PARD3B: variants seen among roughly 807,000 people sequenced by gnomAD.
PARD3B encodes par-3 family cell polarity regulator beta, also known as partitioning defective 3 homolog B.
PARD3B carries 103 observed loss-of-function variants against 130.2 expected under a neutral mutation model. The observed-to-expected ratio is 0.79, with a 90% confidence interval of 0.67 to 0.93. The LOEUF (loss-of-function observed/expected upper bound fraction) is 0.93. Among genes scored for constraint, PARD3B ranks in the 40% least tolerant of loss-of-function variants. PARD3B has a pLI of 0.00. For missense variants in PARD3B, 1,609 were observed against 1,499.2 expected (o/e 1.07, Z -1.21); for synonymous variants, 583 against 553.2 (o/e 1.05, Z -0.76).
intron 10 of PARD3B, among the ~76,000 whole-genome samples, chr2:205,135,785 A>G (rs1188567910): frequency 1.3e-5 from 2 of 152,160 alleles, no homozygotes; most frequent in Non-Finnish European, 2.9e-5. Flanking sequence ...GTCGGATACA[A>G]TCAAACATCG....
At chr2:204,657,771 TA>T (rs1574632222) in intron 1 of PARD3B, among the ~76,000 whole-genome samples, 2 of 152,336 alleles carry the variant, frequency 1.3e-5, no homozygotes, top group East Asian at 1.9e-4. Flanking sequence ...TAATTTTAAA[TA>T]GTATGTATGA....
chr2:205,012,934 A>G (rs1465661182), intron 3 of PARD3B, among the ~76,000 whole-genome samples: 1 of 152,266 alleles, frequency 6.6e-6, no homozygotes, highest in East Asian at 1.9e-4. Flanking sequence ...TCCAAAATAC[A>G]GCATTTCTAA....
intron 1 of PARD3B, among the ~76,000 whole-genome samples, chr2:204,553,386 A>G (rs933228931): frequency 4.0e-5 from 6 of 151,842 alleles, no homozygotes; most frequent in South Asian, 2.1e-4. Context: ...TGATCCGGCA[A>G]TCCCACTACT....
chr2:205,417,013 T>C (rs2046799820), intron 19 of PARD3B, among the ~76,000 whole-genome samples: 1 of 151,916 alleles, frequency 6.6e-6, no homozygotes, highest in East Asian at 1.9e-4. Flanking sequence ...ATGTGCCGTG[T>C]TGGTGTGCTG....
At chr2:205,193,529 AT>A (rs1559528889) in intron 15 of PARD3B, among the ~76,000 whole-genome samples, 1 of 152,322 alleles carries the variant, frequency 6.6e-6, no homozygotes, top group East Asian at 1.9e-4. Context: ...GAAGTGATTT[AT>A]TTTTACAAAG....
chr2:205,010,293 A>G (rs1187555156), intron 3 of PARD3B, among the ~76,000 whole-genome samples: 1 of 152,222 alleles, frequency 6.6e-6, no homozygotes, highest in East Asian at 1.9e-4. Flanking sequence ...TCAGTTCACC[A>G]GCTGCTGCTT....
intron 1 of PARD3B, among the ~76,000 whole-genome samples, chr2:204,636,130 G>C (rs1559198294): frequency 6.6e-6 from 1 of 152,094 alleles, no homozygotes; most frequent in Non-Finnish European, 1.5e-5. Context: ...TATAGGTATA[G>C]AAAGGAGAAT....
chr2:204,889,932 A>ATTC (rs1341885640), intron 2 of PARD3B, among the ~76,000 whole-genome samples: 1 of 152,264 alleles, frequency 6.6e-6, no homozygotes, highest in Non-Finnish European at 1.5e-5. Context: ...AACTGGAAGC[A>ATTC]TTCTAATCAG....
chr2:205,320,616 T>C (rs533010372), intron 18 of PARD3B, among the ~76,000 whole-genome samples: 2 of 152,230 alleles, frequency 1.3e-5, no homozygotes, highest in African/African-American at 2.4e-5. Flanking sequence ...GGATAAGATG[T>C]TCTTCTCTTT....
At chr2:205,000,190 G>A (rs1237988314) in intron 3 of PARD3B, among the ~76,000 whole-genome samples, 5 of 152,184 alleles carry the variant, frequency 3.3e-5, no homozygotes, top group Non-Finnish European at 7.3e-5. Flanking sequence ...GTTCTGGGTA[G>A]TACAACATTA....
At chr2:204,698,569 AT>A (rs1221385988) in intron 2 of PARD3B, among the ~76,000 whole-genome samples, 3 of 151,924 alleles carry the variant, frequency 2.0e-5, no homozygotes, top group African/African-American at 7.3e-5. Context: ...TCTGGAAGAA[AT>A]AATTAATGCT....
chr2:204,787,014 ACG>A (rs2042033597), intron 2 of PARD3B, among the ~76,000 whole-genome samples: 2 of 152,050 alleles, frequency 1.3e-5, no homozygotes, highest in Non-Finnish European at 2.9e-5. Flanking sequence ...GATCAACAAC[ACG>A]TACTTTTTTT....
At chr2:205,294,652 G>C (rs1237448263) in intron 16 of PARD3B, among the ~76,000 whole-genome samples, 1 of 152,156 alleles carries the variant, frequency 6.6e-6, no homozygotes, top group Non-Finnish European at 1.5e-5. Flanking sequence ...GGGTAGGAGA[G>C]ATTATGCAAA....
chr2:205,321,124 A>G lies in PARD3B; in HGVS notation c.2630+19423A>G, dbSNP rs1432764010. 2.6e-5 allele frequency among the ~76,000 whole-genome samples: 4 copies of G among 152,216 alleles called. No homozygotes were observed. Among genetic ancestry groups the G allele is most frequent in the African/African-American group, 9.6e-5 (4 of 41,452 alleles). On this transcript the variant is annotated intron_variant, in intron 18 of 22. Coordinates refer to ENST00000406610, the MANE Select transcript of PARD3B (RefSeq NM_001302769.2). The surrounding 1 kb of genome is among the most constrained non-coding windows in gnomAD (Gnocchi z 4.2). ...AATTGATGATAACTGTAGCTAAAAC[A>G]TTAATATAGTTTAGAGATGATAGTT...
chr2:205,521,681 C>A (rs999429328), intron 21 of PARD3B, among the ~76,000 whole-genome samples: 7 of 152,038 alleles, frequency 4.6e-5, no homozygotes, highest in African/African-American at 1.7e-4. Context: ...GAGACCTGGG[C>A]ATGGATTGCT....
intron 2 of PARD3B, among the ~76,000 whole-genome samples, chr2:204,694,832 C>T (rs767316462): frequency 5.9e-5 from 9 of 151,964 alleles, no homozygotes; most frequent in Admixed American, 5.3e-4. Flanking sequence ...AATCTGTGCA[C>T]AGATGTATGT....
At chr2:205,409,367 CT>C (rs1431914084) in intron 19 of PARD3B, among the ~76,000 whole-genome samples, 1 of 152,118 alleles carries the variant, frequency 6.6e-6, no homozygotes, top group Admixed American at 6.6e-5. Flanking sequence ...AAATTTGCCT[CT>C]GATTTAGAGA....
intron 2 of PARD3B, among the ~76,000 whole-genome samples, chr2:204,778,409 A>G (rs1436718126): frequency 2.0e-5 from 3 of 152,224 alleles, no homozygotes; most frequent in East Asian, 3.8e-4. Flanking sequence ...GAAATGAACA[A>G]CATTTAGGAC....
At chr2:205,252,477 G>A (rs988070713) in intron 16 of PARD3B, among the ~76,000 whole-genome samples, 1 of 152,084 alleles carries the variant, frequency 6.6e-6, no homozygotes, top group Non-Finnish European at 1.5e-5. Flanking sequence ...TTGGAATTGG[G>A]GATGGCTGTC....
Sources: allele counts gnomAD v4.1 joint callset (sites outside exome capture counted in the v4.1 genomes callset), GRCh38; gene constraint gnomAD v4.1.1; non-coding constraint Gnocchi (gnomAD v3.1); transcripts MANE v1.5; gene names NCBI Gene and HGNC (gene_info 2026-07-23, HGNC 2026-07-21).